RFX4: variants seen among roughly 807,000 people sequenced by gnomAD.
RFX4 encodes the protein transcription factor RFX4.
A neutral mutation model predicts 95.0 loss-of-function variants in RFX4; 10 were observed. The ratio of observed to expected loss-of-function variants is 0.11; its 90% CI spans 0.06 to 0.18. The LOEUF is 0.18. RFX4 is among the 10% of genes least tolerant of loss of function. RFX4 has a pLI of 1.00. For synonymous variants in RFX4, 321 were observed against 340.7 expected, an observed-to-expected ratio of 0.94 and a Z score of 0.64; for missense variants, 640 against 922.0, an observed-to-expected ratio of 0.69 and a Z score of 3.96.
chr12:106,639,777 T>C (rs1235498148), intron 3 of RFX4, among the ~76,000 whole-genome samples: 7 of 152,244 alleles, frequency 4.6e-5, no homozygotes, highest in Admixed American at 1.3e-4. Flanking sequence ...ATTTTAACAT[T>C]AATAACACTA....
In RFX4 at chr12:106,754,860, T is replaced by C. The variant is rs538733147; in HGVS notation, c.1935+4067T>C. ...GACACTCCCCTCAATATACACACAC[T>C]CCACACTTCATGGTTTATGCCTTAG... On this transcript the variant is annotated intron_variant, in intron 17 of 17. Transcript: ENST00000392842. Among the ~76,000 whole-genome samples, 3 of 152,256 alleles carry C rather than the reference T, an allele frequency of 2.0e-5. No individual in the cohort carries two copies. The East Asian group carries it at 5.8e-4, about 29-fold the overall frequency.
At chr12:106,651,317 A>C (rs1454521762) in intron 3 of RFX4, among the ~76,000 whole-genome samples, 2 of 152,110 alleles carry the variant, frequency 1.3e-5, no homozygotes. Context: ...AATGAGTTAC[A>C]CCCTCTGAGC....
At chr12:106,761,151 C>T in intron 17 of RFX4, 46 bp from the exon 18 acceptor site, 1 of 1,588,262 alleles carries the variant, frequency 6.3e-7, no homozygotes, top group Non-Finnish European at 8.6e-7. Flanking sequence ...GTATATGCAA[C>T]CTCAAGCTAA....
Position 106,715,460 on chromosome 12 carries a change from A to C in RFX4, c.1054A>C (p.Asn352His), listed in dbSNP as rs1378432428. The change falls in exon 11 of 18, where the codon AAC becomes CAC. Residue 352 changes from asparagine to histidine, a missense_variant. Around this residue, in one of 7 missense-constraint regions of RFX4, gnomAD observed 96 missense variants for 183.7 expected, o/e 0.52. Transcript: ENST00000392842. ...GTTCCAAATGCTGGAAGACTGGAGG[A>C]ACGTGGACCTGAACAGCATCACCAA... ...ITFQMLEDWR[N>H]VDLNSITKQT... is the part of the protein sequence containing the mutation. The C allele has an allele frequency of 1.2e-6, 2 of 1,614,202 alleles. No homozygotes were observed. Among genetic ancestry groups the C allele is most frequent in the Admixed American group, 3.3e-5 (2 of 60,014 alleles).
intron 17 of RFX4, among the ~76,000 whole-genome samples, chr12:106,753,381 C>A (rs543617441): frequency 6.6e-6 from 1 of 152,222 alleles, no homozygotes; most frequent in Admixed American, 6.5e-5. Context: ...CTGAAAGTAC[C>A]ACCTTGAGTC....
chr12:106,706,003 T>C (rs1051765564), intron 8 of RFX4, among the ~76,000 whole-genome samples: 2 of 152,186 alleles, frequency 1.3e-5, no homozygotes, highest in African/African-American at 4.8e-5. Context: ...CACAACTACA[T>C]GGTCTTTCAA....
intron 17 of RFX4, among the ~76,000 whole-genome samples, chr12:106,752,448 G>T (rs1253485206): frequency 1.3e-5 from 2 of 149,600 alleles, no homozygotes; most frequent in Non-Finnish European, 3.0e-5. Flanking sequence ...TCGCTAAACA[G>T]TTTTTTTTTT....
At chr12:106,609,635 A>G (rs891020240) in intron 2 of RFX4, among the ~76,000 whole-genome samples, 1 of 152,184 alleles carries the variant, frequency 6.6e-6, no homozygotes, top group Non-Finnish European at 1.5e-5. Flanking sequence ...CCCCCTCCTG[A>G]GTCTTAGCTG....
chr12:106,747,624 C>A, intron 16 of RFX4, 25 bp downstream of exon 16: 1 of 1,607,900 alleles, frequency 6.2e-7, no homozygotes. Flanking sequence ...AGGGATGCTG[C>A]TGGACTTTTA....
chr12:106,714,091 A>AAAAAAAAAAAAAAAAAAT (rs2042243366), intron 10 of RFX4, among the ~76,000 whole-genome samples: 1 of 150,294 alleles, frequency 6.7e-6, no homozygotes, highest in Non-Finnish European at 1.5e-5. Context: ...AAAAAAAAAA[A>AAAAAAAAAAAAAAAAAAT]GCATGTTCTA....
intron 3 of RFX4, among the ~76,000 whole-genome samples, chr12:106,645,641 G>C (rs1415892806): frequency 1.3e-5 from 2 of 152,172 alleles, no homozygotes; most frequent in Admixed American, 6.5e-5. Flanking sequence ...AAGGTCATAG[G>C]TAAGACATTG....
chr12:106,648,130 A>C (rs192518708), intron 3 of RFX4, among the ~76,000 whole-genome samples: 17 of 152,340 alleles, frequency 1.1e-4, no homozygotes, highest in African/African-American at 4.1e-4. Flanking sequence ...GAATAAATGA[A>C]TTTGGCAGGG....
Position 106,715,392 on chromosome 12 carries a change from G to A in RFX4, c.994-8G>A. ...ATGAGCTAACGAGTTGATTGGATTG[G>A]ATTATAGGCATCTCGAACAGTGATC... On this transcript the variant is annotated splice_region_variant and splice_polypyrimidine_tract_variant and intron_variant, in intron 10 of 17. Coordinates refer to ENST00000392842, the MANE Select transcript of RFX4 (RefSeq NM_213594.3). 2 of 1,613,790 alleles carry A rather than the reference G, an allele frequency of 1.2e-6. No homozygotes were observed. Among genetic ancestry groups the A allele is most frequent in the Non-Finnish European group, 8.5e-7 (1 of 1,179,774 alleles).
At position 106,762,413 on chromosome 12, in the gene RFX4, CTT is replaced by C. The variant is rs1019342728; in HGVS notation, c.*946_*947del. 1.3e-5 allele frequency: 2 copies of C among 152,446 alleles called. No individual in the cohort carries two copies. Among genetic ancestry groups the C allele is most frequent in the Non-Finnish European group, 2.9e-5 (2 of 68,016 alleles). The allele number at this position is 152,446 out of a possible 1,614,324, so 9.4% of individuals were successfully genotyped here. A position where few individuals can be genotyped will look rare whatever the true frequency, so the allele number is the denominator to read the frequency against. On this transcript the variant is annotated 3_prime_UTR_variant, in exon 18 of 18. Transcript: ENST00000392842. Reference sequence around the variant, plus strand: ...CATAAAACTATAATAATATCCGACACTTTGATAGAAAAAAATTCAAAGCTGTG... The same window carrying C: ...CATAAAACTATAATAATATCCGACACTGATAGAAAAAAATTCAAAGCTGTG...
chr12:106,705,408 G>A (rs2042064953), intron 8 of RFX4, among the ~76,000 whole-genome samples: 1 of 152,216 alleles, frequency 6.6e-6, no homozygotes, highest in South Asian at 2.1e-4. Context: ...GTGGAGGACA[G>A]ACCCTGGCAT....
chr12:106,683,720 G>C (rs1244117010), intron 5 of RFX4: 11 of 152,036 alleles, frequency 7.2e-5, no homozygotes, highest in Admixed American at 7.2e-4. Flanking sequence ...AGGAATCAGT[G>C]GCTCCGATAG....
At chr12:106,629,261 A>G (rs1038017296) in intron 2 of RFX4, among the ~76,000 whole-genome samples, 2 of 152,198 alleles carry the variant, frequency 1.3e-5, no homozygotes, top group African/African-American at 4.8e-5. Context: ...TTAGTTACCC[A>G]GATGAACACC....
intron 17 of RFX4, among the ~76,000 whole-genome samples, chr12:106,760,764 T>C (rs993662206): frequency 6.6e-6 from 1 of 151,658 alleles, no homozygotes; most frequent in Admixed American, 6.5e-5. Context: ...GTTGACAGAC[T>C]AGGACCTATC....
intron 1 of RFX4, among the ~76,000 whole-genome samples, chr12:106,603,590 G>A (rs2039759135): frequency 6.6e-6 from 1 of 152,196 alleles, no homozygotes; most frequent in African/African-American, 2.4e-5. Flanking sequence ...ATCCCGTTGG[G>A]CACTTAGCAC....
Sources: allele counts gnomAD v4.1 joint callset (sites outside exome capture counted in the v4.1 genomes callset), GRCh38; gene constraint gnomAD v4.1.1; regional missense constraint gnomAD v4.1.1; transcripts MANE v1.5; gene names NCBI Gene and HGNC (gene_info 2026-07-23, HGNC 2026-07-21).